The following ADGRL2 variants were observed in gnomAD, a reference collection of about 807,000 sequenced individuals.
ADGRL2 encodes the protein calcium-independent alpha-latrotoxin receptor 2.
Under a neutral mutation model 157.4 loss-of-function variants are expected in ADGRL2, and 44 were observed. The ratio of observed to expected loss-of-function variants is 0.28; its 90% CI spans 0.22 to 0.36. ADGRL2 has a LOEUF of 0.36. Among genes scored for constraint, ADGRL2 ranks in the 10% least tolerant of loss-of-function variants. The pLI, the probability that ADGRL2 is intolerant of heterozygous loss-of-function variation, is 1.00. For missense variants in ADGRL2, 1,510 were observed against 1,768.9 expected, an observed-to-expected ratio of 0.85 and a Z score of 2.63; for synonymous variants, 585 against 624.7, an observed-to-expected ratio of 0.94 and a Z score of 0.95.
At chr1:81,425,971 G>A (rs1363305661) in intron 1 of ADGRL2, among the ~76,000 whole-genome samples, 1 of 152,004 alleles carries the variant, frequency 6.6e-6, no homozygotes, top group Non-Finnish European at 1.5e-5. Flanking sequence ...GGCTCAGGTT[G>A]TTCTCCCACC....
chr1:81,779,354 C>T (rs1355268271), intron 2 of ADGRL2, among the ~76,000 whole-genome samples: 2 of 151,100 alleles, frequency 1.3e-5, no homozygotes, highest in Non-Finnish European at 3.0e-5. Context: ...ATGACTGAAC[C>T]AACAGGAAGA....
intron 3 of ADGRL2, among the ~76,000 whole-genome samples, chr1:81,674,893 T>C (rs939707447): frequency 2.0e-5 from 3 of 152,196 alleles, no homozygotes; most frequent in African/African-American, 7.2e-5. Flanking sequence ...TAGAAGATCC[T>C]TGCAGGAAAC....
intron 1 of ADGRL2, among the ~76,000 whole-genome samples, chr1:81,359,388 G>A (rs905447531): frequency 1.3e-5 from 2 of 151,888 alleles, no homozygotes; most frequent in African/African-American, 4.8e-5. Context: ...TTCATCTTTG[G>A]GTACCTATCG....
In ADGRL2 at chr1:81,324,096, G is replaced by A. The variant is rs1358893427; in HGVS notation, c.-302+17587G>A. Reference sequence around the variant, plus strand: ...TGTCTGGCTAATGTATTGGAAGGAGGCAAGTGGTAGTGTGAGAGCCCTTTA... The same window carrying A: ...TGTCTGGCTAATGTATTGGAAGGAGACAAGTGGTAGTGTGAGAGCCCTTTA... On this transcript the variant is annotated intron_variant, in intron 1 of 24. Transcript: ENST00000370721. 3.3e-5 allele frequency among the ~76,000 whole-genome samples: 5 copies of A among 152,300 alleles called. No homozygotes were observed. In the South Asian group the frequency reaches 6.2e-4, roughly 19 times the overall value.
chr1:81,703,801 A>G (rs1040271687), intron 1 of ADGRL2, among the ~76,000 whole-genome samples: 2 of 152,230 alleles, frequency 1.3e-5, no homozygotes, highest in Admixed American at 1.3e-4. Flanking sequence ...ATTACCTAAC[A>G]GTCTCTAAGT....
intron 1 of ADGRL2, among the ~76,000 whole-genome samples, chr1:81,415,992 C>T (rs1394831044): frequency 6.6e-6 from 1 of 152,050 alleles, no homozygotes; most frequent in African/African-American, 2.4e-5. Context: ...AGGCGCCCGC[C>T]ACCATGCCAG....
chr1:81,490,751 C>G (rs1358401031), intron 2 of ADGRL2, among the ~76,000 whole-genome samples: 1 of 152,176 alleles, frequency 6.6e-6, no homozygotes, highest in Non-Finnish European at 1.5e-5. Flanking sequence ...GCAGTATTTT[C>G]CAAAGTGGAA....
chr1:81,415,231 G>A (rs1349837826), intron 1 of ADGRL2, among the ~76,000 whole-genome samples: 1 of 152,136 alleles, frequency 6.6e-6, no homozygotes, highest in Non-Finnish European at 1.5e-5. Context: ...CAATTAAAAG[G>A]CTATTATAAA....
chr1:81,639,678 G>T (rs1570707880), intron 3 of ADGRL2, among the ~76,000 whole-genome samples: 1 of 151,196 alleles, frequency 6.6e-6, no homozygotes, highest in East Asian at 2.0e-4. Flanking sequence ...AGGACATTAT[G>T]TAATGATAAA....
At chr1:81,605,384 T>C (rs887556984) in intron 3 of ADGRL2, among the ~76,000 whole-genome samples, 1 of 152,218 alleles carries the variant, frequency 6.6e-6, no homozygotes, top group Admixed American at 6.5e-5. Context: ...AAGACAGTTA[T>C]GGCCCACAAT....
intron 1 of ADGRL2, among the ~76,000 whole-genome samples, chr1:81,356,760 T>C (rs886789839): frequency 6.6e-6 from 1 of 151,920 alleles, no homozygotes; most frequent in African/African-American, 2.4e-5. Context: ...GACACCATCC[T>C]GGCTAACACG....
intron 1 of ADGRL2, among the ~76,000 whole-genome samples, chr1:81,378,580 A>AAT (rs2076291783): frequency 1.3e-5 from 2 of 151,174 alleles, no homozygotes; most frequent in South Asian, 4.2e-4. Flanking sequence ...AAAAAAAAAA[A>AAT]AAAAAAGCCC....
At chr1:81,569,892 G>A (rs929865414) in intron 2 of ADGRL2, among the ~76,000 whole-genome samples, 4 of 152,136 alleles carry the variant, frequency 2.6e-5, no homozygotes, top group Middle Eastern at 3.4e-3. Context: ...GTTTGACTGG[G>A]GCTTGAAGGT....
At chr1:81,474,229 A>G (rs761793692) in intron 2 of ADGRL2, among the ~76,000 whole-genome samples, 9 of 152,226 alleles carry the variant, frequency 5.9e-5, no homozygotes, top group Non-Finnish European at 1.3e-4. Flanking sequence ...CCTATGGAAT[A>G]TGCCTGAGTT....
chr1:81,644,188 C>A (rs917742903), intron 3 of ADGRL2, among the ~76,000 whole-genome samples: 1 of 152,070 alleles, frequency 6.6e-6, no homozygotes, highest in Admixed American at 6.6e-5. Flanking sequence ...TAAATGTAAA[C>A]CCAGAGCATA....
rs116610279 is a variant in ADGRL2 at position 81,607,647 on chromosome 1, C to T, written c.-143+26667C>T. On this transcript the variant is annotated intron_variant, in intron 3 of 24. Coordinates refer to the ADGRL2 transcript ENST00000370721. Reference sequence around the variant, plus strand: ...ATTTTTAACTTTTGCCTCATGTATTCGTATATCCCTTGTACTGTTGAAACA... The same window carrying T: ...ATTTTTAACTTTTGCCTCATGTATTTGTATATCCCTTGTACTGTTGAAACA... 5.0e-3 allele frequency among the ~76,000 whole-genome samples: 762 copies of T among 152,226 alleles called. 9 individuals carry two copies. Among genetic ancestry groups the T allele is most frequent in the African/African-American group, 0.017 (696 of 41,530 alleles).
intron 1 of ADGRL2, among the ~76,000 whole-genome samples, chr1:81,737,144 A>G (rs985972230): frequency 7.2e-5 from 11 of 152,066 alleles, no homozygotes; most frequent in Non-Finnish European, 1.2e-4. Context: ...AACTCCCTCA[A>G]TCTTAACCTC....
At chr1:81,978,094 C>T (rs2149406627) in intron 17 of ADGRL2, among the ~76,000 whole-genome samples, 1 of 151,450 alleles carries the variant, frequency 6.6e-6, no homozygotes, top group Admixed American at 6.6e-5. Flanking sequence ...AAAACACACT[C>T]TTAATTTTTG....
chr1:81,629,644 G>A (rs566324341), intron 3 of ADGRL2, among the ~76,000 whole-genome samples: 1 of 150,432 alleles, frequency 6.6e-6, no homozygotes, highest in African/African-American at 2.4e-5. Context: ...AATATTTGTT[G>A]TTAAATGAAT....
Sources: gnomAD v4.1 joint callset for allele counts (sites outside exome capture counted in the v4.1 genomes callset) on GRCh38, gnomAD v4.1.1 for gene constraint, MANE v1.5 for transcripts, NCBI Gene and HGNC (gene_info 2026-07-23, HGNC 2026-07-21) for gene names.